The following C16orf92 variants were observed in gnomAD, a reference collection of about 807,000 sequenced individuals.
C16orf92 encodes fertilization-influencing membrane protein.
Under a neutral mutation model 13.7 loss-of-function variants are expected in C16orf92, and 14 were observed. That is an observed-to-expected ratio of 1.02 (90% CI 0.67 to 1.60). The LOEUF (loss-of-function observed/expected upper bound fraction) is 1.60, where lower values mean the gene tolerates loss of function less well. Among genes scored for constraint, C16orf92 ranks in the 40% most tolerant of loss-of-function variants. The pLI is 0.00. For missense variants in C16orf92, 116 were observed against 139.0 expected, an observed-to-expected ratio of 0.83 and a Z score of 0.83; for synonymous variants, 50 against 57.4, an observed-to-expected ratio of 0.87 and a Z score of 0.58.
downstream of C16orf92, chr16:30,025,087 G>C (rs2071044899): frequency 2.4e-6 from 2 of 833,092 alleles, no homozygotes; most frequent in East Asian, 5.6e-5. This position sits in a 1 kb window ranked among gnomAD's most constrained non-coding sequence, Gnocchi z 4.1. Context: ...GGTTGTCCGG[G>C]CAAGAGGACC....
chr16:30,026,674 G>A (rs757696114), downstream of C16orf92: 1 of 1,613,934 alleles, frequency 6.2e-7, no homozygotes, highest in Non-Finnish European at 8.5e-7. Flanking sequence ...AACTCCTTGT[G>A]CAGGTAGCCA....
rs1400942408 is a variant in C16orf92 at position 30,024,402 on chromosome 16, A to G, written c.*175A>G. The G allele has an allele frequency of 1.4e-5, 13 of 901,836 alleles. No homozygotes were observed. The highest frequency in any genetic ancestry group is 2.1e-5 in the Non-Finnish European group (13 of 608,522). The allele number at this position is 901,836 out of a possible 1,614,324, so 55.9% of individuals were successfully genotyped here. ...CCCACCTCCTCCCTTCCCAGCCCCAAAGAACTTGGTGGCAAGGGCCTTGGT... is the reference window on the plus strand; with the variant it reads ...CCCACCTCCTCCCTTCCCAGCCCCAGAGAACTTGGTGGCAAGGGCCTTGGT... On this transcript the variant is annotated 3_prime_UTR_variant, in exon 4 of 4. Transcript: ENST00000681219.
At chr16:30,027,285 C>A, downstream of C16orf92, 1 of 414,412 alleles carries the variant, frequency 2.4e-6, no homozygotes, top group South Asian at 1.7e-5. Flanking sequence ...ACGCCCATTC[C>A]TGCCTCCTGG....
chr16:30,025,212 G>T (rs906719952), downstream of C16orf92: 3 of 1,496,696 alleles, frequency 2.0e-6, no homozygotes, highest in African/African-American at 1.4e-5. This position sits in a 1 kb window ranked among gnomAD's most constrained non-coding sequence, Gnocchi z 4.1. Flanking sequence ...GCCGGGGGCG[G>T]CCGGGAGCGG....
downstream of C16orf92, chr16:30,027,204 C>A (rs1316573836): frequency 2.1e-6 from 1 of 466,010 alleles, no homozygotes; most frequent in African/African-American, 2.0e-5. Context: ...TTTGTCCTAA[C>A]CTTACCATGA....
At chr16:30,027,193 A>G (rs1364019951), downstream of C16orf92, 1 of 470,694 alleles carries the variant, frequency 2.1e-6, no homozygotes, top group South Asian at 1.5e-5. Context: ...TGCCATGGTT[A>G]TTTGTCCTAA....
At position 30,024,223 on chromosome 16, in the gene C16orf92, C is replaced by T. The variant is rs2070984399; in HGVS notation, c.329C>T (p.Ala110Val). The change falls in exon 4 of 4, where the codon GCC (alanine) becomes GTC (valine). Residue 110 changes from alanine to valine, a missense_variant. By Grantham distance (64) the Ala-to-Val change is moderately conservative. Transcript: ENST00000681219. The part of the protein sequence containing the change: ...FCTHINFQKG[A>V] ...CCCCACAGAAACTTCCAGAAAGGGG[C>T]CTAAAGAGCCGGACAAGGGCTCTGG... The T allele has an allele frequency of 2.5e-6, 4 of 1,613,952 alleles. No individual in the cohort carries two copies. The highest frequency in any genetic ancestry group is 3.3e-5 in the Admixed American group (2 of 59,992).
Position 30,023,331 on chromosome 16 carries a change from G to T in C16orf92, c.-10G>T, listed in dbSNP as rs2070941924. On this transcript the variant is annotated 5_prime_UTR_variant, in exon 1 of 4. An upstream start codon of the reference 5' UTR is lost. Coordinates refer to ENST00000681219, the MANE Select transcript of C16orf92 (RefSeq NM_001109659.2). Reference sequence around the variant, plus strand: ...TGACATCACAGAGCCCCCACCTCATGATAGGAGTCATGAGGCTGTGGCCAT... The same window carrying T: ...TGACATCACAGAGCCCCCACCTCATTATAGGAGTCATGAGGCTGTGGCCAT... The T allele has an allele frequency of 6.3e-7, 1 of 1,596,226 alleles. No homozygotes were observed. Among genetic ancestry groups the T allele is most frequent in the South Asian group, 1.1e-5 (1 of 88,174 alleles).
downstream of C16orf92, chr16:30,026,595 T>G: frequency 5.2e-6 from 8 of 1,548,220 alleles, no homozygotes; most frequent in East Asian, 2.3e-5. Context: ...CCCGCCCAGC[T>G]CCCCGGGACT....
chr16:30,024,058 T>C lies in C16orf92; in HGVS notation c.283T>C (p.Phe95Leu). 6.2e-7 allele frequency: 1 copy of C among 1,613,840 alleles called. No individual in the cohort carries two copies. The highest frequency in any genetic ancestry group is 8.5e-7 in the Non-Finnish European group (1 of 1,179,808). The change falls in exon 3 of 4, where the codon TTT becomes CTT. Residue 95 changes from phenylalanine to leucine, a missense_variant. Phe to Leu is a conservative substitution (Grantham distance 22). Coordinates refer to ENST00000681219, the MANE Select transcript of C16orf92 (RefSeq NM_001109659.2). ...LVGLLVVAFF[F>L]LLFQFCTHIN... ...GGGCTTGCTGGTGGTGGCGTTCTTC[T>C]TTCTCCTTTTCCAGTTCTGCACCCA...
downstream of C16orf92, chr16:30,024,768 G>A (rs529999599): frequency 4.5e-5 from 9 of 198,548 alleles, no homozygotes; most frequent in South Asian, 1.6e-4. Flanking sequence ...GAGGGCCAGC[G>A]GGGGTTAGTT....
At chr16:30,026,905 C>G, downstream of C16orf92, 1 of 1,424,590 alleles carries the variant, frequency 7.0e-7, no homozygotes, top group African/African-American at 1.4e-5. Flanking sequence ...TGATTGGGGT[C>G]AGATCTCAGG....
chr16:30,025,643 G>C, downstream of C16orf92: 4 of 1,505,674 alleles, frequency 2.7e-6, no homozygotes, highest in African/African-American at 1.4e-5. The surrounding 1 kb of genome is among the most constrained non-coding windows in gnomAD (Gnocchi z 4.1). Context: ...GAAGGGGCTA[G>C]AGCCCTTGGC....
chr16:30,023,295 G>T lies in C16orf92; in HGVS notation c.-46G>T, dbSNP rs746781054. 32 of 1,548,976 alleles carry T rather than the reference G, an allele frequency of 2.1e-5. No individual in the cohort carries two copies. The highest frequency in any genetic ancestry group is 2.8e-5 in the Non-Finnish European group (32 of 1,139,304). On this transcript the variant is annotated 5_prime_UTR_variant, in exon 1 of 4. Coordinates refer to ENST00000681219, the MANE Select transcript of C16orf92 (RefSeq NM_001109659.2). ...CTCACCCCAAAGTGCCATCAGAACAGCTCTGGGCTGTGACATCACAGAGCC... is the reference window on the plus strand; with the variant it reads ...CTCACCCCAAAGTGCCATCAGAACATCTCTGGGCTGTGACATCACAGAGCC...
At chr16:30,026,648 G>T, downstream of C16orf92, 12 of 1,613,842 alleles carry the variant, frequency 7.4e-6, no homozygotes, top group Non-Finnish European at 1.0e-5. Flanking sequence ...TGGCGGCATG[G>T]TGGAGCACCA....
downstream of C16orf92, chr16:30,025,946 G>A (rs1312788798): frequency 4.1e-6 from 3 of 736,280 alleles, no homozygotes; most frequent in Admixed American, 4.6e-5. The surrounding 1 kb of genome is among the most constrained non-coding windows in gnomAD (Gnocchi z 4.1). Flanking sequence ...GAACACCTGG[G>A]TGCAGGGCTG....
chr16:30,026,983 G>A (rs1596738130), downstream of C16orf92: 4 of 749,570 alleles, frequency 5.3e-6, no homozygotes, highest in Admixed American at 6.0e-5. Context: ...AGGGTAGAGG[G>A]TGAGAAACTT....
chr16:30,025,215 G>A (rs565225299), downstream of C16orf92: 128 of 1,499,996 alleles, frequency 8.5e-5, no homozygotes, highest in African/African-American at 1.3e-4. This position sits in a 1 kb window ranked among gnomAD's most constrained non-coding sequence, Gnocchi z 4.1. Context: ...GGGGGCGGCC[G>A]GGAGCGGGGC....
chr16:30,024,955 C>G, downstream of C16orf92: 1 of 469,920 alleles, frequency 2.1e-6, no homozygotes, highest in Non-Finnish European at 3.7e-6. Context: ...TGCCCCCTCC[C>G]CTCCTCCAGC....
Sources: gnomAD v4.1 joint callset for allele counts on GRCh38, gnomAD v4.1.1 for gene constraint, Gnocchi (gnomAD v3.1) non-coding constraint, MANE v1.5 for transcripts, NCBI Gene and HGNC (gene_info 2026-07-23, HGNC 2026-07-21) for gene names.